The following CA5A variants were observed in gnomAD, a reference collection of about 807,000 sequenced individuals.
The protein encoded by CA5A is carbonic anhydrase 5A.
Under a neutral mutation model 37.1 loss-of-function variants are expected in CA5A, and 28 were observed. That is an observed-to-expected ratio of 0.75 (90% CI 0.56 to 1.03). The LOEUF (loss-of-function observed/expected upper bound fraction) is 1.03, where lower values mean the gene tolerates loss of function less well. CA5A is among the 50% of genes least tolerant of loss of function. The pLI is 0.00. For synonymous variants in CA5A, 171 were observed against 158.4 expected, an observed-to-expected ratio of 1.08 and a Z score of -0.60; for missense variants, 444 against 399.9, an observed-to-expected ratio of 1.11 and a Z score of -0.94.
chr16:87,892,926 G>A (rs2055744776), intron 5 of CA5A: 1 of 671,620 alleles, frequency 1.5e-6, no homozygotes, highest in African/African-American at 1.9e-5. Context: ...AAAGTGCTGG[G>A]GTGAGCCACT....
At chr16:87,922,861 C>T (rs777525346) in intron 2 of CA5A, among the ~76,000 whole-genome samples, 14 of 152,266 alleles carry the variant, frequency 9.2e-5, no homozygotes, top group South Asian at 2.1e-4. Flanking sequence ...TTGCAGAGCA[C>T]GGAGTCCCAT....
chr16:87,932,095 C>T (rs2056414625), intron 1 of CA5A, among the ~76,000 whole-genome samples: 1 of 151,956 alleles, frequency 6.6e-6, no homozygotes, highest in Non-Finnish European at 1.5e-5. Context: ...GCCTGAGCAA[C>T]AAGAGGCAGA....
At chr16:87,905,360 CTTGTT>C (rs1486709425) in intron 2 of CA5A, among the ~76,000 whole-genome samples, 23 of 152,200 alleles carry the variant, frequency 1.5e-4, no homozygotes, top group Non-Finnish European at 2.6e-4. Flanking sequence ...TTTGTTTTGT[CTTGTT>C]TTGTTTTATT....
At chr16:87,927,373 C>T (rs1010843712) in intron 1 of CA5A, among the ~76,000 whole-genome samples, 4 of 152,104 alleles carry the variant, frequency 2.6e-5, no homozygotes, top group South Asian at 2.1e-4. Flanking sequence ...CTTCCCACTC[C>T]CAGGTACCCC....
At chr16:87,903,295 G>A (rs1024379267) in intron 3 of CA5A, among the ~76,000 whole-genome samples, 7 of 152,152 alleles carry the variant, frequency 4.6e-5, no homozygotes, top group Admixed American at 2.0e-4. Context: ...GCCAGGCGCA[G>A]TGGCAGGTGC....
intron 5 of CA5A, among the ~76,000 whole-genome samples, chr16:87,900,009 C>A (rs191699271): frequency 0.019 from 2,850 of 149,320 alleles, 74 homozygotes; most frequent in African/African-American, 0.051. Context: ...GCATCAGGAC[C>A]AGAGCTCAGT....
rs558563600 is a variant in CA5A, at chr16:87,936,276, G to T, written c.142+33C>A. The T allele has an allele frequency of 3.0e-5, 46 of 1,509,926 alleles. 1 individual carries two copies. The South Asian group carries it at 5.0e-4, about 16-fold the overall frequency. The allele number at this position is 1,509,926 out of a possible 1,614,324, so 93.5% of individuals were successfully genotyped here. A position where few individuals can be genotyped will look rare whatever the true frequency, so the allele number is the denominator to read the frequency against. On this transcript the variant is annotated intron_variant, in intron 1 of 6. Coordinates refer to ENST00000649794, the MANE Select transcript of CA5A (RefSeq NM_001739.2). ...CCCCATCAGCTAAGACAAGGATCCA[G>T]TCGCATCTTAGGAAATTTGAGGCTC... is the stretch of plus-strand genomic sequence containing the variant.
At position 87,922,594 on chromosome 16, in the gene CA5A, G is replaced by A. The variant is rs150234889; in HGVS notation, c.340+4154C>T. ...TGGGTTTGTTCTTGCCCTGAGGGGT[G>A]AGGGACGGGCCTCCCGTGCCGACCT... On this transcript the variant is annotated intron_variant, in intron 2 of 6. Transcript: ENST00000649794. Among the ~76,000 whole-genome samples the A allele has an allele frequency of 8.9e-3, 1,350 of 152,358 alleles. 23 individuals are homozygous for A. The highest frequency in any genetic ancestry group is 0.031 in the African/African-American group (1,278 of 41,588).
At position 87,926,782 on chromosome 16, in the gene CA5A, G is replaced by A; in HGVS notation, c.306C>T (p.Phe102=). The part of the protein sequence containing the change: ...CLYIWNTGYL[F]QVEFDDATEA... ...CGGTGGCATCGTCAAATTCCACCTG[G>A]AAGAGGTAGCCAGTGTTCCAGATGT... The change falls in exon 2 of 7, where the codon TTC becomes TTT. Residue 102 remains phenylalanine, a synonymous_variant. Coordinates refer to ENST00000649794, the MANE Select transcript of CA5A (RefSeq NM_001739.2). 1.2e-6 allele frequency: 2 copies of A among 1,614,076 alleles called. No individual in the cohort carries two copies. Among genetic ancestry groups the A allele is most frequent in the South Asian group, 1.1e-5 (1 of 91,070 alleles).
intron 1 of CA5A, among the ~76,000 whole-genome samples, chr16:87,935,084 G>A (rs1454394652): frequency 1.3e-5 from 2 of 152,248 alleles, no homozygotes; most frequent in African/African-American, 2.4e-5. Flanking sequence ...AGAGGCTTGG[G>A]GGTGAAGACC....
chr16:87,893,495 T>G, intron 5 of CA5A: 9 of 554,894 alleles, frequency 1.6e-5, no homozygotes, highest in South Asian at 1.2e-4. Context: ...TACCTTCATC[T>G]GTCCCTGGAA....
chr16:87,899,918 T>TA (rs2055853896), intron 5 of CA5A, among the ~76,000 whole-genome samples: 1 of 27,442 alleles, frequency 3.6e-5, no homozygotes, highest in African/African-American at 1.7e-4. Flanking sequence ...AGATTTTATC[T>TA]CAAAAAAAAA....
At chr16:87,922,383 G>C (rs1273092422) in intron 2 of CA5A, among the ~76,000 whole-genome samples, 1 of 152,156 alleles carries the variant, frequency 6.6e-6, no homozygotes, top group Non-Finnish European at 1.5e-5. Flanking sequence ...TGTGATCCTG[G>C]GGGATAATTA....
intron 2 of CA5A, among the ~76,000 whole-genome samples, chr16:87,913,770 C>T (rs1426034422): frequency 6.6e-6 from 1 of 152,142 alleles, no homozygotes; most frequent in Non-Finnish European, 1.5e-5. Context: ...GTCTTGCACA[C>T]ACCTGGGGAG....
intron 2 of CA5A, among the ~76,000 whole-genome samples, chr16:87,907,715 AG>A (rs1328785478): frequency 7.2e-5 from 11 of 152,306 alleles, no homozygotes; most frequent in Admixed American, 4.6e-4. Context: ...ACCCAAGGTC[AG>A]GAATTCAAGA....
rs565675541 is a variant in CA5A, at chr16:87,926,805, T to C, written c.283A>G (p.Ile95Val). 20 of 1,614,212 alleles carry C rather than the reference T, an allele frequency of 1.2e-5. No homozygotes were observed. In the African/African-American group the frequency reaches 2.3e-4, roughly 18 times the overall value. ...TGGAAGAGGTAGCCAGTGTTCCAGATGTACAGGCAGGATGCCGCTTCATAG... is the reference window on the plus strand; with the variant it reads ...TGGAAGAGGTAGCCAGTGTTCCAGACGTACAGGCAGGATGCCGCTTCATAG... ...VSYEAASCLY[I>V]WNTGYLFQVE... Residue 95 changes from isoleucine (I) to valine (V), a missense_variant, in exon 2 of 7, where the codon ATC becomes GTC. By Grantham distance (29) the Ile-to-Val change is conservative (BLOSUM62 3). Coordinates refer to ENST00000649794, the MANE Select transcript of CA5A (RefSeq NM_001739.2).
At chr16:87,897,536 A>C (rs55883615) in intron 5 of CA5A, among the ~76,000 whole-genome samples, 1 of 150,426 alleles carries the variant, frequency 6.6e-6, no homozygotes, top group Non-Finnish European at 1.5e-5. Flanking sequence ...GTGGGGGTCC[A>C]GGCTTCCAGG....
chr16:87,915,123 G>A lies in CA5A; in HGVS notation c.341-10219C>T, dbSNP rs143111662. Among the ~76,000 whole-genome samples, 93 of 152,320 alleles carry A rather than the reference G, an allele frequency of 6.1e-4. No homozygotes were observed. The East Asian group carries it at 0.014, about 24-fold the overall frequency. On this transcript the variant is annotated intron_variant, in intron 2 of 6. Transcript: ENST00000649794. ...GAGGCTCGATGAAACCTCGACTCGC[G>A]TTGCAGCGCACGTCCGACCACACTC...
At chr16:87,935,042 G>C (rs1384355936) in intron 1 of CA5A, among the ~76,000 whole-genome samples, 1 of 152,234 alleles carries the variant, frequency 6.6e-6, no homozygotes, top group African/African-American at 2.4e-5. Context: ...TGGAGAGAAA[G>C]TCTGGCCACC....
Sources: gnomAD v4.1 joint callset for allele counts (sites outside exome capture counted in the v4.1 genomes callset) on GRCh38, gnomAD v4.1.1 for gene constraint, MANE v1.5 for transcripts, NCBI Gene and HGNC (gene_info 2026-07-23, HGNC 2026-07-21) for gene names.